The following CENPE variants were observed in gnomAD, a reference collection of about 807,000 sequenced individuals.
CENPE encodes centromere protein E.
A neutral mutation model predicts 336.1 loss-of-function variants in CENPE; 145 were observed. The ratio of observed to expected loss-of-function variants is 0.43; its 90% confidence interval spans 0.38 to 0.50. The LOEUF is 0.50. CENPE is among the 20% of genes least tolerant of loss of function. The pLI is 0.00. For synonymous variants in CENPE, 1,013 were observed against 984.8 expected (o/e 1.03, Z -0.54); for missense variants, 2,719 against 3,023.3 (o/e 0.90, Z 2.36).
chr4:103,165,977 T>C (rs1252367382), intron 16 of CENPE, among the ~76,000 whole-genome samples: 1 of 152,042 alleles, frequency 6.6e-6, no homozygotes, highest in Non-Finnish European at 1.5e-5. Flanking sequence ...AAAACTGCAG[T>C]GTGATACATG....
Position 103,195,515 on chromosome 4 carries a change from C to T in CENPE, c.358-282G>A, listed in dbSNP as rs565697734. ...AGATGTTCTTATTTTAATAAAAATG[C>T]TAATTTGAAACCAACTAACTCGGTT... is the stretch of plus-strand genomic sequence containing the variant. On this transcript the variant is annotated intron_variant, in intron 4 of 48. Transcript: ENST00000265148. 5.9e-5 allele frequency among the ~76,000 whole-genome samples: 9 copies of T among 152,136 alleles called. No homozygotes were observed. In the South Asian group the frequency reaches 1.2e-3, roughly 21 times the overall value.
chr4:103,146,885 CA>C (rs1753099553), intron 29 of CENPE, among the ~76,000 whole-genome samples: 1 of 152,002 alleles, frequency 6.6e-6, no homozygotes, highest in Non-Finnish European at 1.5e-5. Context: ...GAGAGAAAAG[CA>C]GGATGACTTT....
chr4:103,189,195 C>T (rs1441101564), intron 8 of CENPE, among the ~76,000 whole-genome samples: 3 of 152,078 alleles, frequency 2.0e-5, no homozygotes, highest in East Asian at 1.9e-4. Context: ...GATTCACAGC[C>T]GAATTCTACC....
chr4:103,169,635 C>A (rs1755225824), intron 16 of CENPE, among the ~76,000 whole-genome samples: 1 of 151,996 alleles, frequency 6.6e-6, no homozygotes, highest in Non-Finnish European at 1.5e-5. Context: ...AGTCAGGAAA[C>A]AGATGCTGGA....
Position 103,161,107 on chromosome 4 carries a change from T to G in CENPE, c.2110A>C (p.Ile704Leu). The G allele has an allele frequency of 6.2e-7, 1 of 1,601,834 alleles. No homozygotes were observed. The highest frequency in any genetic ancestry group is 1.3e-5 in the African/African-American group (1 of 74,356). Residue 704 changes from isoleucine (I) to leucine (L), a missense_variant, in exon 20 of 49, where the codon ATA becomes CTA. This residue lies in a region of CENPE where 2,437 missense variants were observed against 2,513.3 expected (regional missense o/e 0.97). Transcript: ENST00000265148. ...FNEITKLTSLIDGKVPKDLLC... is the reference protein window; with the variant it reads ...FNEITKLTSLLDGKVPKDLLC... ...ATACCTTTTGGAACTTTGCCATCTATAAGGGAGGTGAGTTTTGTTATCTCA... is the reference window on the plus strand; with the variant it reads ...ATACCTTTTGGAACTTTGCCATCTAGAAGGGAGGTGAGTTTTGTTATCTCA...
rs2126058650 is a variant in CENPE, at chr4:103,194,694, G to A, written c.478-10C>T. On this transcript the variant is annotated splice_polypyrimidine_tract_variant and intron_variant, in intron 5 of 48. Transcript: ENST00000265148. ...CAACATACACATTCCTCTGAAACAA[G>A]TTTAATTATGGAAAGATTAGAGAAA... 1 of 1,583,040 alleles carries A rather than the reference G, an allele frequency of 6.3e-7. No individual in the cohort carries two copies. Among genetic ancestry groups the A allele is most frequent in the Non-Finnish European group, 8.6e-7 (1 of 1,164,020 alleles).
At chr4:103,171,030 A>G (rs1487082096) in intron 16 of CENPE, among the ~76,000 whole-genome samples, 4 of 151,698 alleles carry the variant, frequency 2.6e-5, no homozygotes. Context: ...GAATATATAT[A>G]AAGCAAATAT....
intron 26 of CENPE, among the ~76,000 whole-genome samples, chr4:103,150,790 T>A (rs1039320463): frequency 1.8e-4 from 27 of 152,134 alleles, no homozygotes; most frequent in African/African-American, 5.8e-4. Flanking sequence ...AACTTCTATA[T>A]AAGAAATGAT....
At position 103,163,159 on chromosome 4, in the gene CENPE, T is replaced by G; in HGVS notation, c.1820A>C (p.Lys607Thr). ...TACCAATGAGTATGACAAGTCCATTTTTATATTTTCTAGCTTTTGAGAGTC... is the reference window on the plus strand; with the variant it reads ...TACCAATGAGTATGACAAGTCCATTGTTATATTTTCTAGCTTTTGAGAGTC... Reference protein sequence around the residue: ...YIDSQKLENIKMDLSYSLESI... With the variant: ...YIDSQKLENITMDLSYSLESI... Residue 607 changes from lysine to threonine, a missense_variant, in exon 18 of 49, where the codon AAA becomes ACA. This residue lies in a region of CENPE where 2,437 missense variants were observed against 2,513.3 expected (regional missense o/e 0.97). Transcript: ENST00000265148. The G allele has an allele frequency of 6.2e-7, 1 of 1,609,592 alleles. No homozygotes were observed. Among genetic ancestry groups the G allele is most frequent in the East Asian group, 2.2e-5 (1 of 44,674 alleles).
At position 103,145,129 on chromosome 4, in the gene CENPE, T is replaced by C; in HGVS notation, c.4778A>G (p.Glu1593Gly). 6.2e-7 allele frequency: 1 copy of C among 1,612,170 alleles called. No individual in the cohort carries two copies. Among genetic ancestry groups the C allele is most frequent in the Non-Finnish European group, 8.5e-7 (1 of 1,179,246 alleles). The change falls in exon 32 of 49, where the codon GAG (glutamate) becomes GGG (glycine). Residue 1593 changes from glutamate to glycine, a missense_variant. By Grantham distance (98) the Glu-to-Gly change is moderately conservative. Around this residue, in one of 5 missense-constraint regions of CENPE, gnomAD observed 2,437 missense variants for 2,513.3 expected, o/e 0.97. Transcript: ENST00000265148. ...EEIQIMIKEK[E>G]EMKRVQEALQ... ...GGCCTCCTGTACTCTTTTCATTTCC[T>C]CTTTTTCCTTAATCATAATTTGTAT... is the stretch of plus-strand genomic sequence containing the variant.
At chr4:103,121,911 A>G (rs985359532) in intron 43 of CENPE, among the ~76,000 whole-genome samples, 8 of 152,064 alleles carry the variant, frequency 5.3e-5, no homozygotes, top group African/African-American at 1.9e-4. Flanking sequence ...ATACACCTGT[A>G]CTAAATTCTC....
chr4:103,172,798 C>A (rs1423965113), intron 16 of CENPE, among the ~76,000 whole-genome samples: 7 of 151,688 alleles, frequency 4.6e-5, no homozygotes. Flanking sequence ...ATGTTAATGG[C>A]AAACTATCCA....
intron 8 of CENPE, among the ~76,000 whole-genome samples, chr4:103,186,792 A>G (rs1416677243): frequency 5.3e-5 from 8 of 152,218 alleles, no homozygotes; most frequent in Admixed American, 5.2e-4. Context: ...AGGACTGGAT[A>G]GCAGTGGAAG....
intron 33 of CENPE, 81 bp downstream of exon 33, chr4:103,144,250 A>G: frequency 7.8e-7 from 1 of 1,282,350 alleles, no homozygotes; most frequent in South Asian, 1.5e-5. Context: ...CCAATTTTAT[A>G]CTCCCACCAA....
chr4:103,115,476 G>A (rs1267403379), intron 45 of CENPE, among the ~76,000 whole-genome samples: 2 of 152,064 alleles, frequency 1.3e-5, no homozygotes, highest in African/African-American at 4.8e-5. Flanking sequence ...TTATAATTAA[G>A]AATCTAATAG....
rs1756511873 is a variant in CENPE at position 103,183,691 on chromosome 4, T to A, written c.746-403A>T. Among the ~76,000 whole-genome samples, 3 of 152,146 alleles carry A rather than the reference T, an allele frequency of 2.0e-5. No homozygotes were observed. In the South Asian group the frequency reaches 6.2e-4, roughly 32 times the overall value. ...TTAAATTGTTAATATGCTCACACGG[T>A]TCAAAAAGTTTAAAAAAAAAGTACA... On this transcript the variant is annotated intron_variant, in intron 9 of 48. Transcript: ENST00000265148.
chr4:103,106,985 A>G (rs1353764483), intron 48 of CENPE, among the ~76,000 whole-genome samples: 1 of 152,214 alleles, frequency 6.6e-6, no homozygotes, highest in Non-Finnish European at 1.5e-5. Context: ...TAAAAACAGT[A>G]CCAGAGAGAT....
chr4:103,145,019 C>CA (rs369959588), intron 32 of CENPE, 31 bp downstream of exon 32: 81,259 of 1,159,184 alleles, frequency 0.07, 7 homozygotes, highest in Non-Finnish European at 0.075. Context: ...TTTCTGTATC[C>CA]AAAAAAAAAA....
At chr4:103,151,727 C>T (rs1422740769) in intron 25 of CENPE, among the ~76,000 whole-genome samples, 1 of 152,128 alleles carries the variant, frequency 6.6e-6, no homozygotes, top group Non-Finnish European at 1.5e-5. Flanking sequence ...TTTTCAAACA[C>T]TGGGATGGCT....
Sources: allele counts gnomAD v4.1 joint callset (sites outside exome capture counted in the v4.1 genomes callset), GRCh38; gene constraint gnomAD v4.1.1; regional missense constraint gnomAD v4.1.1; transcripts MANE v1.5; gene names NCBI Gene and HGNC (gene_info 2026-07-23, HGNC 2026-07-21).